Variants in NEK10 observed in about 807,000 individuals in gnomAD.
The protein encoded by NEK10 is serine/threonine-protein kinase Nek10.
NEK10 carries 122 observed loss-of-function variants against 159.8 expected under a neutral mutation model. The observed-to-expected ratio is 0.76, with a 90% CI of 0.66 to 0.89. The LOEUF is 0.89. Ranked by LOEUF, NEK10 falls within the 40% of genes least tolerant of loss-of-function variation. NEK10 has a pLI of 0.00. For missense variants in NEK10, 1,342 were observed against 1,323.1 expected (o/e 1.01, Z -0.22); for synonymous variants, 466 against 457.1 (o/e 1.02, Z -0.25).
chr3:27,293,145 A>G (rs2043119555), intron 16 of NEK10, among the ~76,000 whole-genome samples: 1 of 152,138 alleles, frequency 6.6e-6, no homozygotes, highest in Non-Finnish European at 1.5e-5. Context: ...ATGAGCTCCT[A>G]CACCATCAAA....
chr3:27,293,619 T>G lies in NEK10; in HGVS notation c.1342A>C (p.Ser448Arg), dbSNP rs1243155894. 6.3e-7 allele frequency: 1 copy of G among 1,580,028 alleles called. No individual in the cohort carries two copies. The highest frequency in any genetic ancestry group is 1.3e-5 in the African/African-American group (1 of 74,280). The change falls in exon 16 of 36, where the codon AGT becomes CGT. Residue 448 changes from serine (S) to arginine (R), a missense_variant. Transcript: ENST00000691995. Reference protein sequence around the residue: ...YAFRALRFLFSMERNRPLFKR... With the variant: ...YAFRALRFLFRMERNRPLFKR... ...AAGAGTGGTCTGTTTCTTTCCATAC[T>G]GAAGAGAAATCTCAAGGCTCTGAAA...
Position 27,152,432 on chromosome 3 carries a change from C to T in NEK10, c.2869+10269G>A, listed in dbSNP as rs537272005. Among the ~76,000 whole-genome samples, 4 of 152,044 alleles carry T rather than the reference C, an allele frequency of 2.6e-5. No individual in the cohort carries two copies. The South Asian group carries it at 8.3e-4, about 32-fold the overall frequency. ...AAGGAAAGATACAATCTTTTTCAGA[C>T]AAACAAATGCTAAGAGAATTCACCA... On this transcript the variant is annotated intron_variant, in intron 30 of 35. Transcript: ENST00000691995.
At chr3:27,112,499 T>C (rs1222135364) in intron 35 of NEK10, among the ~76,000 whole-genome samples, 14 of 152,208 alleles carry the variant, frequency 9.2e-5, no homozygotes. Flanking sequence ...ATGATGACCA[T>C]GTCAATGAGA....
intron 22 of NEK10, among the ~76,000 whole-genome samples, chr3:27,257,159 C>T (rs1956288986): frequency 6.6e-6 from 1 of 152,164 alleles, no homozygotes; most frequent in Non-Finnish European, 1.5e-5. Flanking sequence ...TGTGATCCAC[C>T]TGCCTTGGCC....
chr3:27,259,364 C>T (rs542931267), intron 22 of NEK10, among the ~76,000 whole-genome samples: 48 of 152,174 alleles, frequency 3.2e-4, no homozygotes, highest in Admixed American at 1.4e-3. Context: ...CTAACATTTA[C>T]GTCTTTAATC....
At chr3:27,143,697 A>G (rs1274891613) in intron 30 of NEK10, among the ~76,000 whole-genome samples, 1 of 152,124 alleles carries the variant, frequency 6.6e-6, no homozygotes, top group African/African-American at 2.4e-5. Flanking sequence ...AAGCAAGCAA[A>G]CAAACAAAAA....
chr3:27,212,737 C>T (rs1553682561), intron 23 of NEK10, among the ~76,000 whole-genome samples: 1 of 152,126 alleles, frequency 6.6e-6, no homozygotes, highest in Non-Finnish European at 1.5e-5. Context: ...ATGGGGAACC[C>T]AGGGCTTGAG....
chr3:27,215,878 A>T, intron 23 of NEK10: 1 of 712,510 alleles, frequency 1.4e-6, no homozygotes, highest in Non-Finnish European at 2.6e-6. Flanking sequence ...GAGGTGCTGC[A>T]CACTTTAAAC....
intron 1 of NEK10, among the ~76,000 whole-genome samples, chr3:27,358,477 T>C (rs987751820): frequency 6.6e-6 from 1 of 152,220 alleles, no homozygotes; most frequent in African/African-American, 2.4e-5. Context: ...CTATCCTCTA[T>C]TGTTTGAAAT....
chr3:27,274,314 A>G (rs2041603949), intron 22 of NEK10, among the ~76,000 whole-genome samples: 1 of 152,192 alleles, frequency 6.6e-6, no homozygotes, highest in Admixed American at 6.5e-5. Flanking sequence ...TGATAAAAGA[A>G]TGCTTTCTGA....
intron 22 of NEK10, among the ~76,000 whole-genome samples, chr3:27,272,287 C>T (rs1052263966): frequency 2.6e-5 from 4 of 152,188 alleles, no homozygotes; most frequent in Admixed American, 6.5e-5. Flanking sequence ...CTGGGCTCAT[C>T]ATTCAGTCAT....
chr3:27,163,775 TAA>T (rs1946239281), intron 29 of NEK10, among the ~76,000 whole-genome samples: 1 of 152,244 alleles, frequency 6.6e-6, no homozygotes, highest in African/African-American at 2.4e-5. Flanking sequence ...GTACTAGGTA[TAA>T]GGCACATGAT....
chr3:27,311,715 T>A (rs2044713968), intron 8 of NEK10: 1 of 219,782 alleles, frequency 4.5e-6, no homozygotes. Flanking sequence ...TTGTTATTTT[T>A]CTTTTTCATG....
intron 5 of NEK10, among the ~76,000 whole-genome samples, chr3:27,339,116 A>G (rs2047020501): frequency 6.6e-6 from 1 of 152,172 alleles, no homozygotes; most frequent in East Asian, 1.9e-4. Context: ...AAATTATACC[A>G]TTAAAAAGTG....
chr3:27,203,439 G>A (rs111527195), intron 23 of NEK10, among the ~76,000 whole-genome samples: 5 of 152,180 alleles, frequency 3.3e-5, no homozygotes, highest in East Asian at 1.9e-4. Context: ...AATTTGCAAC[G>A]GTTCATGAAT....
intron 23 of NEK10, among the ~76,000 whole-genome samples, chr3:27,204,699 C>G (rs1423651182): frequency 2.3e-5 from 3 of 133,238 alleles, no homozygotes; most frequent in African/African-American, 8.1e-5. Flanking sequence ...TTTCTTAATC[C>G]AGTCTATCAT....
chr3:27,267,082 C>T (rs1435476054), intron 22 of NEK10, among the ~76,000 whole-genome samples: 1 of 152,172 alleles, frequency 6.6e-6, no homozygotes, highest in African/African-American at 2.4e-5. Flanking sequence ...CAGGAGCACC[C>T]AAGCCAACAG....
intron 15 of NEK10, among the ~76,000 whole-genome samples, chr3:27,293,924 G>A (rs1457182283): frequency 1.3e-5 from 2 of 152,184 alleles, no homozygotes; most frequent in Admixed American, 1.3e-4. Context: ...TACAAAATGA[G>A]TACAGAGACA....
intron 35 of NEK10, among the ~76,000 whole-genome samples, chr3:27,113,125 T>C (rs917535810): frequency 1.3e-5 from 2 of 152,296 alleles, no homozygotes; most frequent in African/African-American, 4.8e-5. Flanking sequence ...AGATATGTTC[T>C]ATCATTGCTA....
Sources: gnomAD v4.1 joint callset for allele counts (sites outside exome capture counted in the v4.1 genomes callset) on GRCh38, gnomAD v4.1.1 for gene constraint, MANE v1.5 for transcripts, NCBI Gene and HGNC (gene_info 2026-07-23, HGNC 2026-07-21) for gene names.